FRAS1: variants seen among roughly 807,000 people sequenced by gnomAD.
FRAS1 encodes the protein extracellular matrix organizing protein FRAS1.
In FRAS1, 290 loss-of-function variants were observed where a neutral mutation model predicts 435.2. The observed-to-expected ratio is 0.67, with a 90% CI of 0.61 to 0.73. FRAS1 has a LOEUF of 0.73. FRAS1 is among the 30% of genes least tolerant of loss of function. The pLI is 0.00. For synonymous variants in FRAS1, 1,800 were observed against 1,851.0 expected (o/e 0.97, Z 0.71); for missense variants, 4,860 against 5,001.5 (o/e 0.97, Z 0.85).
Position 78,446,765 on chromosome 4 carries a change from C to T in FRAS1, c.5895C>T (p.Pro1965=). ...NDEPPRMTLQ[P]LRVQLSSGVV... The stretch of plus-strand genomic sequence containing the variant: ...AGCCTCCCAGGATGACCTTGCAGCC[C>T]CTCAGAGTGCAGCTGAGCTCGGGAG... The change falls in exon 43 of 74, where the codon CCC becomes CCT. Residue 1965 remains proline, a synonymous_variant. Coordinates refer to ENST00000512123, the MANE Select transcript of FRAS1 (RefSeq NM_025074.7). The T allele has an allele frequency of 6.2e-7, 1 of 1,613,396 alleles. No homozygotes were observed. Among genetic ancestry groups the T allele is most frequent in the Non-Finnish European group, 8.5e-7 (1 of 1,179,716 alleles).
intron 50 of FRAS1, among the ~76,000 whole-genome samples, chr4:78,469,532 A>G (rs1719639617): frequency 6.6e-6 from 1 of 152,244 alleles, no homozygotes; most frequent in African/African-American, 2.4e-5. Flanking sequence ...CACATCTGGC[A>G]TAATCCCACC....
chr4:78,204,544 T>C (rs1250303404), intron 2 of FRAS1, among the ~76,000 whole-genome samples: 1 of 152,172 alleles, frequency 6.6e-6, no homozygotes, highest in Non-Finnish European at 1.5e-5. Context: ...ATCAAAGAGA[T>C]TTAAGGGCTA....
chr4:78,155,628 C>A (rs952009215), intron 2 of FRAS1, among the ~76,000 whole-genome samples: 3 of 152,160 alleles, frequency 2.0e-5, no homozygotes, highest in Non-Finnish European at 2.9e-5. Flanking sequence ...TAACCCCCTG[C>A]GAGGAGCAGG....
rs1560432938 is a variant in FRAS1, at chr4:78,540,819, G to A, written c.11734G>A (p.Ala3912Thr). 1.9e-6 allele frequency: 3 copies of A among 1,613,924 alleles called. No homozygotes were observed. The highest frequency in any genetic ancestry group is 1.7e-6 in the Non-Finnish European group (2 of 1,179,838). ...GGCGTCCATTGGCAGTGCCCTGGCTGCAATCATGCTTCTACTTCTGGTGTT... is the reference window on the plus strand; with the variant it reads ...GGCGTCCATTGGCAGTGCCCTGGCTACAATCATGCTTCTACTTCTGGTGTT... ...TGASIGSALA[A>T]IMLLLLVFLV... Residue 3912 changes from alanine to threonine, a missense_variant, in exon 74 of 74, where the codon GCA (alanine) becomes ACA (threonine). Coordinates refer to ENST00000512123, the MANE Select transcript of FRAS1 (RefSeq NM_025074.7).
chr4:78,276,868 A>C (rs1235994367), intron 9 of FRAS1, among the ~76,000 whole-genome samples: 2 of 152,210 alleles, frequency 1.3e-5, no homozygotes, highest in African/African-American at 4.8e-5. Flanking sequence ...TTAACTATGC[A>C]GAGGTTTCTG....
chr4:78,407,730 T>C lies in FRAS1; in HGVS notation c.4197T>C (p.Asp1399=), dbSNP rs1179312207. 2 of 1,613,786 alleles carry C rather than the reference T, an allele frequency of 1.2e-6. No individual in the cohort carries two copies. The highest frequency in any genetic ancestry group is 1.7e-6 in the Non-Finnish European group (2 of 1,179,786). ...SPADEGQHLP[D]GRTATPTSTF... ...CAGATGAAGGGCAGCACCTGCCTGA[T>C]GGGAGGACAGCTACCCCCACCAGCA... Residue 1399 remains aspartate (D), a synonymous_variant, in exon 31 of 74, where the codon GAT becomes GAC. Transcript: ENST00000512123.
At chr4:78,334,741 G>A (rs1418686925) in intron 19 of FRAS1, among the ~76,000 whole-genome samples, 1 of 151,732 alleles carries the variant, frequency 6.6e-6, no homozygotes, top group Non-Finnish European at 1.5e-5. Context: ...CGTTTTCATG[G>A]CTGCATATTA....
At position 78,540,935 on chromosome 4, in the gene FRAS1, CA is replaced by C; in HGVS notation, c.11852del (p.Lys3951ArgfsTer2). The C allele has an allele frequency of 6.2e-7, 1 of 1,613,826 alleles. No individual in the cohort carries two copies. Among genetic ancestry groups the C allele is most frequent in the Non-Finnish European group, 8.5e-7 (1 of 1,179,852 alleles). On this transcript the variant is annotated frameshift_variant, in exon 74 of 74. Coordinates refer to ENST00000512123, the MANE Select transcript of FRAS1 (RefSeq NM_025074.7). LOFTEE classifies it high-confidence loss of function. ...TTTTGGAAGAATATCCTCTGAATAC[CA>C]AGGTAGAAGTGCCCAAGAGGCACCC... ...DILEEYPLNT[K>X]VEVPKRHPDR... is the part of the protein sequence containing the mutation.
chr4:78,359,490 A>G (rs1409663420), intron 20 of FRAS1, among the ~76,000 whole-genome samples: 1 of 152,152 alleles, frequency 6.6e-6, no homozygotes, highest in Non-Finnish European at 1.5e-5. Context: ...TGATTTAATA[A>G]AAATCAGTCA....
rs1226247024 is a variant in FRAS1 at position 78,445,518 on chromosome 4, G to A, written c.5666-4G>A. 6.4e-7 allele frequency: 1 copy of A among 1,559,692 alleles called. No homozygotes were observed. Among genetic ancestry groups the A allele is most frequent in the Admixed American group, 1.8e-5 (1 of 56,678 alleles). On this transcript the variant is annotated splice_region_variant and splice_polypyrimidine_tract_variant and intron_variant, in intron 41 of 73. Coordinates refer to ENST00000512123, the MANE Select transcript of FRAS1 (RefSeq NM_025074.7). Reference sequence around the variant, plus strand: ...GTAAAAATGCTCTCTTGATGTTGATGCAGGTGATCGTTTTGGCCCTGAAAC... The same window carrying A: ...GTAAAAATGCTCTCTTGATGTTGATACAGGTGATCGTTTTGGCCCTGAAAC...
chr4:78,423,788 TCTGTAAC>T (rs1039119338), intron 34 of FRAS1, among the ~76,000 whole-genome samples: 14 of 152,132 alleles, frequency 9.2e-5, no homozygotes, highest in Admixed American at 8.5e-4. Context: ...TGTTTATGGG[TCTGTAAC>T]CCCTATGTTA....
At chr4:78,308,896 A>G (rs1178528820) in intron 15 of FRAS1, among the ~76,000 whole-genome samples, 7 of 152,242 alleles carry the variant, frequency 4.6e-5, no homozygotes, top group Non-Finnish European at 7.3e-5. Context: ...TGGGCTCCCA[A>G]TGATGCCCTT....
intron 18 of FRAS1, chr4:78,319,433 T>C: frequency 2.2e-6 from 1 of 456,974 alleles, no homozygotes. Flanking sequence ...CTACAGAGAA[T>C]TGATGACATC....
intron 2 of FRAS1, among the ~76,000 whole-genome samples, chr4:78,218,134 A>AC (rs1471926143): frequency 2.4e-5 from 3 of 126,748 alleles, no homozygotes; most frequent in Non-Finnish European, 5.0e-5. Context: ...ACACACACAC[A>AC]AGTTGTATTT....
chr4:78,444,987 A>G (rs1300148639), intron 41 of FRAS1, among the ~76,000 whole-genome samples: 1 of 152,252 alleles, frequency 6.6e-6, no homozygotes, highest in Non-Finnish European at 1.5e-5. Context: ...TGGGAGGTCC[A>G]ATGAAAACAT....
At chr4:78,396,438 C>T (rs1732666976) in intron 29 of FRAS1, among the ~76,000 whole-genome samples, 1 of 152,244 alleles carries the variant, frequency 6.6e-6, no homozygotes, top group Non-Finnish European at 1.5e-5. Context: ...AACAAACTCC[C>T]TCAGCCTTTG....
chr4:78,375,739 C>T lies in FRAS1; in HGVS notation c.3152C>T (p.Ala1051Val). 6.3e-7 allele frequency: 1 copy of T among 1,578,786 alleles called. No homozygotes were observed. The highest frequency in any genetic ancestry group is 8.6e-7 in the Non-Finnish European group (1 of 1,163,676). ...FADHAKHKCTACPQGCLQCSH... is the reference protein window; with the variant it reads ...FADHAKHKCTVCPQGCLQCSH... ...CATTTAGTGTTTCCTTTTTTAATAG[C>T]CTGCCCTCAGGGGTGCTTGCAGTGC... The change falls in exon 26 of 74, where the codon GCC (alanine) becomes GTC (valine). Residue 1051 changes from alanine (A) to valine (V), a missense_variant and splice_region_variant. Coordinates refer to ENST00000512123, the MANE Select transcript of FRAS1 (RefSeq NM_025074.7).
At chr4:78,416,986 G>A (rs1034111609) in intron 32 of FRAS1, among the ~76,000 whole-genome samples, 5 of 151,854 alleles carry the variant, frequency 3.3e-5, no homozygotes, top group Non-Finnish European at 7.4e-5. Flanking sequence ...TTCTTTTGTT[G>A]ACAGATATAC....
At chr4:78,331,903 A>G (rs1729964701) in intron 18 of FRAS1, among the ~76,000 whole-genome samples, 1 of 152,200 alleles carries the variant, frequency 6.6e-6, no homozygotes, top group Non-Finnish European at 1.5e-5. Flanking sequence ...GCCATTGAAA[A>G]GTTTGTTACA....
Sources: gnomAD v4.1 joint callset for allele counts (sites outside exome capture counted in the v4.1 genomes callset) on GRCh38, gnomAD v4.1.1 for gene constraint, MANE v1.5 for transcripts, NCBI Gene and HGNC (gene_info 2026-07-23, HGNC 2026-07-21) for gene names.